Variants in LRP1B observed in about 807,000 individuals in gnomAD.
LRP1B encodes the protein low-density lipoprotein receptor-related protein 1B.
In LRP1B, 217 loss-of-function variants were observed where a neutral mutation model predicts 556.6. The observed-to-expected ratio is 0.39, with a 90% CI of 0.35 to 0.44. The LOEUF (loss-of-function observed/expected upper bound fraction) is 0.44. Among genes scored for constraint, LRP1B ranks in the 20% least tolerant of loss-of-function variants. LRP1B has a pLI of 1.00. For missense variants in LRP1B, 5,053 were observed against 5,620.8 expected (o/e 0.90, Z 3.23); for synonymous variants, 2,047 against 1,865.8 (o/e 1.10, Z -2.50).
At chr2:140,810,821 C>T (rs1222205064) in intron 32 of LRP1B, among the ~76,000 whole-genome samples, 3 of 152,126 alleles carry the variant, frequency 2.0e-5, no homozygotes, top group Non-Finnish European at 4.4e-5. Flanking sequence ...ACTGCAACCT[C>T]CACCTCCCAG....
rs1173605231 is a variant in LRP1B, at chr2:141,511,581, TAAAACATTCG to T, written c.206-31058_206-31049del. 7.2e-5 allele frequency among the ~76,000 whole-genome samples: 11 copies of T among 152,282 alleles called. No homozygotes were observed. The East Asian group carries it at 1.9e-3, about 27-fold the overall frequency. On this transcript the variant is annotated intron_variant, in intron 2 of 90. Transcript: ENST00000389484. ...TTTGTTGTAAAATATGTTGTGTTGG[TAAAACATTCG>T]AAATTTAAATGATGAATTTTCACTG...
rs181474505 is a variant in LRP1B, at chr2:140,564,561, G to A, written c.7195-22590C>T. On this transcript the variant is annotated intron_variant, in intron 43 of 90. Coordinates refer to ENST00000389484, the MANE Select transcript of LRP1B (RefSeq NM_018557.3). ...TAATCAATAAAAAATGTTATGCTAGGAGATAAATGTCATTGAAAGCTATTT... is the reference window on the plus strand; with the variant it reads ...TAATCAATAAAAAATGTTATGCTAGAAGATAAATGTCATTGAAAGCTATTT... Among the ~76,000 whole-genome samples the A allele has an allele frequency of 1.0e-3, 155 of 152,056 alleles. 1 individual carries two copies. The highest frequency in any genetic ancestry group is 3.5e-3 in the African/African-American group (146 of 41,512).
intron 1 of LRP1B, among the ~76,000 whole-genome samples, chr2:141,976,814 A>G (rs1359312196): frequency 6.6e-6 from 1 of 152,144 alleles, no homozygotes. Flanking sequence ...GAGAAGCTCA[A>G]GGACCTGGGG....
At chr2:141,231,408 A>G (rs2105298501) in intron 5 of LRP1B, among the ~76,000 whole-genome samples, 1 of 152,284 alleles carries the variant, frequency 6.6e-6, no homozygotes, top group Non-Finnish European at 1.5e-5. Context: ...CTAGACCCCT[A>G]TTAATTTCAA....
At chr2:141,226,162 T>C (rs1304777014) in intron 6 of LRP1B, among the ~76,000 whole-genome samples, 2 of 151,860 alleles carry the variant, frequency 1.3e-5, no homozygotes, top group Non-Finnish European at 2.9e-5. Flanking sequence ...CTGTTGCAGA[T>C]AGTCTTTCAG....
chr2:140,444,329 C>T lies in LRP1B; in HGVS notation c.10294+1G>A, dbSNP rs1686559740. The T allele has an allele frequency of 4.3e-6, 7 of 1,613,632 alleles. No individual in the cohort carries two copies. The highest frequency in any genetic ancestry group is 1.3e-5 in the African/African-American group (1 of 74,902). ...AGACAGAGTATTTTGAGGTGACTTA[C>T]GACAGTCTCTTTCATCTTCCTCATC... On this transcript the variant is annotated splice_donor_variant, in intron 65 of 90. Transcript: ENST00000389484. LOFTEE classifies it high-confidence loss of function.
chr2:140,937,424 G>T (rs954188842), intron 20 of LRP1B, among the ~76,000 whole-genome samples: 1 of 152,106 alleles, frequency 6.6e-6, no homozygotes, highest in African/African-American at 2.4e-5. Context: ...AAAGTAGAAT[G>T]GTGGTTTCTG....
At chr2:141,553,286 C>A (rs993932168) in intron 2 of LRP1B, among the ~76,000 whole-genome samples, 5 of 151,782 alleles carry the variant, frequency 3.3e-5, no homozygotes, top group African/African-American at 9.7e-5. Context: ...AAGTTGCAAG[C>A]AAAGGGTTAT....
intron 41 of LRP1B, among the ~76,000 whole-genome samples, chr2:140,658,390 A>G (rs1684963742): frequency 2.6e-5 from 4 of 152,164 alleles, no homozygotes; most frequent in African/African-American, 4.8e-5. Flanking sequence ...AAAAAAGTTC[A>G]TGTTTTCTAA....
rs1368466076 is a variant in LRP1B, at chr2:140,457,656, A to G, written c.9626-5T>C. On this transcript the variant is annotated splice_polypyrimidine_tract_variant and splice_region_variant and intron_variant, in intron 60 of 90. Transcript: ENST00000389484. ...CTGGAATATCTTGATTAGGGACTGT[A>G]ATAGGAGATGGTAAGATTAATGTTC... 6.2e-7 allele frequency: 1 copy of G among 1,607,360 alleles called. No homozygotes were observed. The highest frequency in any genetic ancestry group is 8.5e-7 in the Non-Finnish European group (1 of 1,174,122).
chr2:141,774,687 G>A (rs112285523), intron 2 of LRP1B, among the ~76,000 whole-genome samples: 1,649 of 152,236 alleles, frequency 0.011, 33 homozygotes, highest in African/African-American at 0.038. Context: ...TGGAAACACC[G>A]TCCCTTCAAA....
chr2:140,547,891 T>C (rs1418459484), intron 43 of LRP1B, among the ~76,000 whole-genome samples: 1 of 151,882 alleles, frequency 6.6e-6, no homozygotes. Context: ...AAGGTATCGA[T>C]TTGATTATTT....
At chr2:141,010,673 C>G (rs1328346148) in intron 14 of LRP1B, among the ~76,000 whole-genome samples, 1 of 151,984 alleles carries the variant, frequency 6.6e-6, no homozygotes, top group Non-Finnish European at 1.5e-5. Context: ...TGCCACCACC[C>G]CTGGCTAATT....
At chr2:141,109,027 AAT>A (rs1558866373) in intron 7 of LRP1B, among the ~76,000 whole-genome samples, 1 of 152,230 alleles carries the variant, frequency 6.6e-6, no homozygotes, top group Non-Finnish European at 1.5e-5. Context: ...CAACTTCCAC[AAT>A]AATTCCTGTA....
intron 3 of LRP1B, among the ~76,000 whole-genome samples, chr2:141,461,028 T>C (rs2105042259): frequency 7.0e-6 from 1 of 142,032 alleles, no homozygotes; most frequent in East Asian, 2.0e-4. Flanking sequence ...AAGAGTGAGC[T>C]AGACTGGAAA....
chr2:141,532,943 G>C (rs1337077915), intron 2 of LRP1B, among the ~76,000 whole-genome samples: 1 of 152,012 alleles, frequency 6.6e-6, no homozygotes, highest in Non-Finnish European at 1.5e-5. Flanking sequence ...CTGAGATTGG[G>C]CCACTGCACT....
chr2:141,792,913 A>C (rs1695667334), intron 2 of LRP1B, among the ~76,000 whole-genome samples: 1 of 152,140 alleles, frequency 6.6e-6, no homozygotes, highest in East Asian at 1.9e-4. Flanking sequence ...AAACATTCTT[A>C]TAATATGTCT....
chr2:140,632,169 A>G (rs1683910300), intron 41 of LRP1B, among the ~76,000 whole-genome samples: 1 of 152,234 alleles, frequency 6.6e-6, no homozygotes, highest in African/African-American at 2.4e-5. Context: ...AGGGAGAAGG[A>G]AAATGATACA....
At chr2:141,989,030 T>A (rs1702274003) in intron 1 of LRP1B, among the ~76,000 whole-genome samples, 1 of 152,072 alleles carries the variant, frequency 6.6e-6, no homozygotes, top group Non-Finnish European at 1.5e-5. Context: ...ATGATAAATT[T>A]TCATTATGAT....
Sources: gnomAD v4.1 joint callset for allele counts (sites outside exome capture counted in the v4.1 genomes callset) on GRCh38, gnomAD v4.1.1 for gene constraint, MANE v1.5 for transcripts, NCBI Gene and HGNC (gene_info 2026-07-23, HGNC 2026-07-21) for gene names.